The following PRKCH variants were observed in gnomAD, a reference collection of about 807,000 sequenced individuals.
The protein encoded by PRKCH is protein kinase C eta type.
Under a neutral mutation model 82.5 loss-of-function variants are expected in PRKCH, and 28 were observed. The ratio of observed to expected loss-of-function variants is 0.34; its 90% CI spans 0.25 to 0.47. PRKCH has a LOEUF of 0.47. PRKCH is among the 20% of genes least tolerant of loss of function. PRKCH has a pLI of 1.00. For synonymous variants in PRKCH, 322 were observed against 327.4 expected (o/e 0.98, Z 0.18); for missense variants, 705 against 881.8 (o/e 0.80, Z 2.54).
intron 2 of PRKCH, among the ~76,000 whole-genome samples, chr14:61,432,357 C>G (rs996895353): frequency 2.0e-5 from 3 of 152,166 alleles, no homozygotes; most frequent in African/African-American, 7.2e-5. Context: ...TTGTATAGCT[C>G]AAACCTTCCC....
chr14:61,310,079 G>A (rs888015829), intron 1 of PRKCH, among the ~76,000 whole-genome samples: 2 of 152,108 alleles, frequency 1.3e-5, no homozygotes, highest in African/African-American at 4.8e-5. Flanking sequence ...CAAAACACAT[G>A]GGGATTACAA....
chr14:61,347,390 G>A (rs775977349), intron 1 of PRKCH, among the ~76,000 whole-genome samples: 5 of 152,096 alleles, frequency 3.3e-5, no homozygotes, highest in Admixed American at 2.0e-4. Flanking sequence ...TCATGCTTTC[G>A]TTCCTCCTTT....
chr14:61,319,107 T>C (rs1188173673), upstream of PRKCH, among the ~76,000 whole-genome samples: 2 of 152,210 alleles, frequency 1.3e-5, no homozygotes, highest in Non-Finnish European at 2.9e-5. Context: ...GATCTACCAG[T>C]CTGGTCAGTG....
chr14:61,446,469 A>G (rs1436404907), intron 4 of PRKCH, among the ~76,000 whole-genome samples: 3 of 152,256 alleles, frequency 2.0e-5, no homozygotes, highest in Non-Finnish European at 4.4e-5. Context: ...TTGATAAAAT[A>G]GCACCACATA....
intron 12 of PRKCH, 69 bp downstream of exon 12, chr14:61,530,664 C>T: frequency 7.0e-7 from 1 of 1,421,324 alleles, no homozygotes; most frequent in Non-Finnish European, 9.6e-7. Context: ...CTGCTTGAGT[C>T]TTTTCAGTAC....
intron 2 of PRKCH, among the ~76,000 whole-genome samples, chr14:61,418,887 T>G (rs1355377876): frequency 6.6e-6 from 1 of 152,226 alleles, no homozygotes; most frequent in Non-Finnish European, 1.5e-5. Context: ...AGCAATATAT[T>G]TAACTTCTGG....
At chr14:61,425,865 T>C (rs1013841694) in intron 2 of PRKCH, among the ~76,000 whole-genome samples, 6 of 152,162 alleles carry the variant, frequency 3.9e-5, no homozygotes, top group Non-Finnish European at 7.3e-5. Context: ...GTTTCGTCCA[T>C]GCTGTTCTTG....
At chr14:61,258,370 A>T (rs958389260) in intron 1 of PRKCH, among the ~76,000 whole-genome samples, 10 of 152,228 alleles carry the variant, frequency 6.6e-5, no homozygotes, top group Non-Finnish European at 1.3e-4. Context: ...AAAGTTTTAA[A>T]AAGAGTTACC....
intron 1 of PRKCH, among the ~76,000 whole-genome samples, chr14:61,313,976 G>A (rs941732281): frequency 6.6e-6 from 1 of 152,200 alleles, no homozygotes; most frequent in African/African-American, 2.4e-5. Context: ...GTGCCACCAC[G>A]CCCAGCTAAT....
chr14:61,201,209 T>A (rs544579721), intron 1 of PRKCH, among the ~76,000 whole-genome samples: 3 of 152,354 alleles, frequency 2.0e-5, no homozygotes, highest in Admixed American at 2.0e-4. Context: ...ATTGACATTT[T>A]ACTATGTGTC....
chr14:61,269,258 A>C (rs921438886), intron 1 of PRKCH, among the ~76,000 whole-genome samples: 1 of 152,204 alleles, frequency 6.6e-6, no homozygotes, highest in Non-Finnish European at 1.5e-5. Context: ...ATTAATGATA[A>C]ATTTTTTGAT....
intron 2 of PRKCH, among the ~76,000 whole-genome samples, chr14:61,406,755 CATG>C (rs1451073416): frequency 6.6e-6 from 1 of 152,122 alleles, no homozygotes; most frequent in Non-Finnish European, 1.5e-5. Flanking sequence ...GATTTGAAAG[CATG>C]ATAACAGCTT....
intron 1 of PRKCH, among the ~76,000 whole-genome samples, chr14:61,274,713 G>A (rs2045187458): frequency 6.6e-6 from 1 of 152,192 alleles, no homozygotes; most frequent in Non-Finnish European, 1.5e-5. Context: ...TGGGTTTGGA[G>A]AAGTGGCCAA....
At chr14:61,492,506 C>G (rs1886490406) in intron 10 of PRKCH, among the ~76,000 whole-genome samples, 1 of 152,220 alleles carries the variant, frequency 6.6e-6, no homozygotes, top group African/African-American at 2.4e-5. Flanking sequence ...TGTTTGCTTT[C>G]CATCTCCAGG....
chr14:61,223,849 G>A (rs571906097), intron 1 of PRKCH, among the ~76,000 whole-genome samples: 2 of 152,300 alleles, frequency 1.3e-5, no homozygotes, highest in East Asian at 3.9e-4. Context: ...AGCACCTTGT[G>A]AGGGACTTCA....
intron 10 of PRKCH, among the ~76,000 whole-genome samples, chr14:61,494,439 C>T (rs1435686658): frequency 6.6e-6 from 1 of 152,310 alleles, no homozygotes; most frequent in South Asian, 2.1e-4. Flanking sequence ...TACATATATT[C>T]TTCCTACTGA....
At chr14:61,392,046 CAT>C (rs1332563508) in intron 2 of PRKCH, among the ~76,000 whole-genome samples, 1 of 152,054 alleles carries the variant, frequency 6.6e-6, no homozygotes. Flanking sequence ...TTTCACTCAG[CAT>C]AGTTTTTAGA....
intron 2 of PRKCH, chr14:61,442,578 A>T (rs1335183202): frequency 6.6e-6 from 1 of 152,538 alleles, no homozygotes; most frequent in African/African-American, 2.4e-5. Context: ...AGATTGGCCC[A>T]TGATAGCCAG....
chr14:61,290,724 A>G (rs74572405), intron 1 of PRKCH, among the ~76,000 whole-genome samples: 5,135 of 152,304 alleles, frequency 0.034, 181 homozygotes, highest in African/African-American at 0.084. Context: ...CTCTGCAAAT[A>G]TCTCTCATTT....
Sources: gnomAD v4.1 joint callset for allele counts (sites outside exome capture counted in the v4.1 genomes callset) on GRCh38, gnomAD v4.1.1 for gene constraint, MANE v1.5 for transcripts, NCBI Gene and HGNC (gene_info 2026-07-23, HGNC 2026-07-21) for gene names.